Variants in SSX1 observed in about 807,000 individuals in gnomAD.
The protein encoded by SSX1 is protein SSX1.
Under a neutral mutation model 14.6 loss-of-function variants are expected in SSX1, and 58 were observed. The ratio of observed to expected loss-of-function variants is 3.96; its 90% confidence interval spans 3.21 to 4.93. SSX1 has a LOEUF of 4.93. Among genes scored for constraint, SSX1 ranks in the 30% most tolerant of loss-of-function variants. The pLI is 0.00. For missense variants in SSX1, 272 were observed against 143.1 expected (o/e 1.90, Z -4.60); for synonymous variants, 46 against 52.1 (o/e 0.88, Z 0.50).
chrX:48,257,909 C>A, intron 3 of SSX1, 49 bp downstream of exon 3: 1 of 808,817 alleles, frequency 1.2e-6, no homozygotes. Context: ...CATGAGCATC[C>A]CTTTTCCTGC....
intron 4 of SSX1, among the ~76,000 whole-genome samples, chrX:48,259,141 C>T (rs1236289133): frequency 2.7e-5 from 3 of 111,030 alleles, no homozygotes; most frequent in South Asian, 7.7e-4. Flanking sequence ...GGATTACAGG[C>T]GCCCGCCACC....
At chrX:48,266,510 T>C (rs1383572203) in intron 7 of SSX1, 119 bp downstream of exon 7, 5 of 1,136,551 alleles carry the variant, frequency 4.4e-6, no homozygotes, top group Non-Finnish European at 6.0e-6. Context: ...TTTTCTACTG[T>C]ACAGCATTGA....
intron 4 of SSX1, 111 bp from the exon 5 acceptor site, chrX:48,261,655 C>T: frequency 5.9e-6 from 5 of 849,038 alleles, no homozygotes; most frequent in Non-Finnish European, 7.0e-6. Context: ...AACTCCTCAA[C>T]AATGAGTGGA....
intron 4 of SSX1, among the ~76,000 whole-genome samples, chrX:48,260,383 T>G (rs1368040739): frequency 2.6e-4 from 29 of 111,482 alleles, no homozygotes; most frequent in African/African-American, 9.1e-4. Flanking sequence ...TTGCAAAAAT[T>G]TCCTCCCATT....
At position 48,263,918 on chromosome X, in the gene SSX1, G is replaced by A. The variant is rs181630989; in HGVS notation, c.466+1G>A. Reference sequence around the variant, plus strand: ...TCTGAGAAGATTAATAAGAGATCTGGTAAGAGGAAATGATTTGGGAACAAC... The same window carrying A: ...TCTGAGAAGATTAATAAGAGATCTGATAAGAGGAAATGATTTGGGAACAAC... On this transcript the variant is annotated splice_donor_variant, in intron 6 of 7. Coordinates refer to ENST00000376919, the MANE Select transcript of SSX1 (RefSeq NM_005635.4). LOFTEE classifies it high-confidence loss of function. 2 of 1,210,163 alleles carry A rather than the reference G, an allele frequency of 1.7e-6. No homozygotes were observed. Among genetic ancestry groups the A allele is most frequent in the South Asian group, 1.8e-5 (1 of 56,674 alleles).
chrX:48,263,870 A>C lies in SSX1; in HGVS notation c.419A>C (p.His140Pro). ...SGPQNDGKQL[H>P]PPGKANISEK... ...CCACAAAACGATGGGAAACAACTGC[A>C]CCCCCCAGGAAAAGCAAATATTTCT... Residue 140 changes from histidine to proline, a missense_variant, in exon 6 of 8, where the codon CAC becomes CCC. His to Pro is a moderately conservative substitution (Grantham distance 77). Coordinates refer to ENST00000376919, the MANE Select transcript of SSX1 (RefSeq NM_005635.4). 3 of 1,211,167 alleles carry C rather than the reference A, an allele frequency of 2.5e-6. No individual in the cohort carries two copies. The highest frequency in any genetic ancestry group is 3.4e-6 in the Non-Finnish European group (3 of 895,289).
intron 5 of SSX1, among the ~76,000 whole-genome samples, 195 bp from the exon 6 acceptor site, chrX:48,263,587 C>A (rs1446046004): frequency 9.0e-6 from 1 of 111,515 alleles, no homozygotes; most frequent in Non-Finnish European, 1.9e-5. Context: ...AGCATTCTAG[C>A]CCTGGAAACT....
In SSX1 at chrX:48,266,950, A is replaced by G. The variant is rs1486398589; in HGVS notation, c.*101A>G. On this transcript the variant is annotated 3_prime_UTR_variant, in exon 8 of 8. Coordinates refer to ENST00000376919, the MANE Select transcript of SSX1 (RefSeq NM_005635.4). The stretch of plus-strand genomic sequence containing the variant: ...GCGGCTCCCTCGTCATCAGGTGCAT[A>G]GCAAGTGAAAGCAAGTGTTCACAAC... 1.2e-6 allele frequency: 1 copy of G among 865,581 alleles called. No individual in the cohort carries two copies. 71.3% of individuals were successfully genotyped at this position (865,581 alleles called of 1,213,427 possible). A position where few individuals can be genotyped will look rare whatever the true frequency, so the allele number is the denominator to read the frequency against.
chrX:48,258,766 A>G (rs1556934988), intron 4 of SSX1, 135 bp downstream of exon 4: 3 of 473,276 alleles, frequency 6.3e-6, no homozygotes, highest in Non-Finnish European at 1.1e-5. Flanking sequence ...TTGCATACAG[A>G]AAGTTAACTA....
rs782265402 is a variant in SSX1 at position 48,261,783 on chromosome X, A to AG, written c.298_299insG (p.Thr100SerfsTer23). 7 of 1,209,697 alleles carry AG rather than the reference A, an allele frequency of 5.8e-6. No individual in the cohort carries two copies. The highest frequency in any genetic ancestry group is 6.7e-6 in the Non-Finnish European group (6 of 894,909). On this transcript the variant is annotated frameshift_variant, in exon 5 of 8. Transcript: ENST00000376919. LOFTEE classifies it high-confidence loss of function. ...TCTTTCAGTTGAACATCCTCAGATG[A>AG]CTTTCGGCAGGCTCCACAGAATCAT...
At chrX:48,255,590 G>A (rs1316232337) in intron 1 of SSX1, among the ~76,000 whole-genome samples, 158 bp downstream of exon 1, 9 of 106,599 alleles carry the variant, frequency 8.4e-5, no homozygotes, top group East Asian at 5.9e-4. Context: ...GGATCCTCCC[G>A]CCTCGGCCTT....
At chrX:48,258,885 G>T (rs75658002) in intron 4 of SSX1, among the ~76,000 whole-genome samples, 1 of 110,373 alleles carries the variant, frequency 9.1e-6, no homozygotes, top group Non-Finnish European at 1.9e-5. Flanking sequence ...AAAGGCATCA[G>T]ATTGAGGAGA....
chrX:48,266,387 A>G lies in SSX1; in HGVS notation c.567A>G (p.Ter189=). ...EISDPEEDDE[*] Reference sequence around the variant, plus strand: ...GTGACCCTGAGGAAGATGACGAGTAACTCCGTAAGTGAACCTTCGGCTCAC... The same window carrying G: ...GTGACCCTGAGGAAGATGACGAGTAGCTCCGTAAGTGAACCTTCGGCTCAC... The change falls in exon 7 of 8, where the codon TAA becomes TAG. Residue 189 remains the stop codon, a stop_retained_variant. Transcript: ENST00000376919. The G allele has an allele frequency of 8.3e-7, 1 of 1,209,861 alleles. No individual in the cohort carries two copies. The highest frequency in any genetic ancestry group is 1.7e-5 in the African/African-American group (1 of 57,673).
Position 48,263,894 on chromosome X carries a change from C to T in SSX1, c.443C>T (p.Ser148Phe), listed in dbSNP as rs782176147. 8.3e-7 allele frequency: 1 copy of T among 1,211,095 alleles called. No individual in the cohort carries two copies. Among genetic ancestry groups the T allele is most frequent in the Non-Finnish European group, 1.1e-6 (1 of 895,268 alleles). Reference protein sequence around the residue: ...QLHPPGKANISEKINKRSGPK... With the variant: ...QLHPPGKANIFEKINKRSGPK... ...CACCCCCCAGGAAAAGCAAATATTTCTGAGAAGATTAATAAGAGATCTGGT... is the reference window on the plus strand; with the variant it reads ...CACCCCCCAGGAAAAGCAAATATTTTTGAGAAGATTAATAAGAGATCTGGT... Residue 148 changes from serine to phenylalanine, a missense_variant, in exon 6 of 8, where the codon TCT becomes TTT. Physicochemically the swap from Ser to Phe is radical, Grantham distance 155. Coordinates refer to ENST00000376919, the MANE Select transcript of SSX1 (RefSeq NM_005635.4).
At chrX:48,262,873 C>A (rs1242363526) in intron 5 of SSX1, among the ~76,000 whole-genome samples, 1 of 111,094 alleles carries the variant, frequency 9.0e-6, no homozygotes, top group Non-Finnish European at 1.9e-5. Context: ...CGGGGGCTCA[C>A]GACTGTAATC....
chrX:48,262,446 C>T (rs1556935641), intron 5 of SSX1, among the ~76,000 whole-genome samples: 1 of 111,969 alleles, frequency 8.9e-6, no homozygotes, highest in Non-Finnish European at 1.9e-5. Flanking sequence ...TTGAGACACC[C>T]ACTCTCGCAA....
At chrX:48,255,694 C>T (rs1266868134) in intron 1 of SSX1, among the ~76,000 whole-genome samples, 1 of 104,724 alleles carries the variant, frequency 9.5e-6, no homozygotes, top group Non-Finnish European at 2.0e-5. Flanking sequence ...TGGCCTCAAC[C>T]GCCTGGGCTC....
In SSX1 at chrX:48,263,138, A is replaced by G. The variant is rs1556935794; in HGVS notation, c.331-644A>G. On this transcript the variant is annotated intron_variant, in intron 5 of 7. Transcript: ENST00000376919. ...ACAGAGCGAGACTTTGTCAAAAAAA[A>G]AAAAAGAGTAGCTTAATATTGTTGG... Among the ~76,000 whole-genome samples, 2 of 108,079 alleles carry G rather than the reference A, an allele frequency of 1.9e-5. 1 individual carries two copies. Among genetic ancestry groups the G allele is most frequent in the African/African-American group, 6.8e-5 (2 of 29,605 alleles). The allele number at this position is 108,079 out of a possible 115,157, so 93.9% of individuals were successfully genotyped here.
chrX:48,266,677 A>C (rs1441176912), intron 7 of SSX1, among the ~76,000 whole-genome samples, 177 bp from the exon 8 acceptor site: 1 of 111,569 alleles, frequency 9.0e-6, no homozygotes, highest in Non-Finnish European at 1.9e-5. Context: ...CCAGGCGAGG[A>C]AGTCACTGTG....
Sources: gnomAD v4.1 joint callset for allele counts (sites outside exome capture counted in the v4.1 genomes callset) on GRCh38, gnomAD v4.1.1 for gene constraint, MANE v1.5 for transcripts, NCBI Gene and HGNC (gene_info 2026-07-23, HGNC 2026-07-21) for gene names.